VGLL4: variants seen among roughly 807,000 people sequenced by gnomAD.
VGLL4 encodes vestigial like family member 4.
Under a neutral mutation model 21.0 loss-of-function variants are expected in VGLL4, and 7 were observed. The observed-to-expected ratio is 0.33, with a 90% CI of 0.19 to 0.63. VGLL4 has a LOEUF of 0.63. VGLL4 is among the 20% of genes least tolerant of loss of function. The probability of loss-of-function intolerance (pLI) is 0.78; values close to 1 mark genes in which losing one functional copy is unlikely to be tolerated. For missense variants in VGLL4, 394 were observed against 425.7 expected (o/e 0.93, Z 0.66); for synonymous variants, 222 against 173.2 (o/e 1.28, Z -2.21).
intron 2 of VGLL4, among the ~76,000 whole-genome samples, chr3:11,569,783 A>C (rs985312391): frequency 1.3e-5 from 2 of 152,170 alleles, no homozygotes; most frequent in Non-Finnish European, 2.9e-5. Context: ...TTGGAGGCTG[A>C]AGTGGGAGGA....
chr3:11,597,074 A>G (rs1255149718), intron 2 of VGLL4, among the ~76,000 whole-genome samples: 4 of 152,202 alleles, frequency 2.6e-5, no homozygotes, highest in Admixed American at 6.5e-5. Context: ...ACAAGGACAT[A>G]GGACCAGTGG....
chr3:11,707,659 G>C (rs895188360), intron 1 of VGLL4, among the ~76,000 whole-genome samples: 1 of 152,084 alleles, frequency 6.6e-6, no homozygotes, highest in Admixed American at 6.6e-5. Flanking sequence ...AGACCAGCCT[G>C]AGCAACACAG....
At chr3:11,628,755 GC>G (rs1255911788) in intron 1 of VGLL4, among the ~76,000 whole-genome samples, 6 of 152,244 alleles carry the variant, frequency 3.9e-5, no homozygotes, top group Non-Finnish European at 8.8e-5. Context: ...GGGAGGCAGA[GC>G]TTGCAGTGAG....
At chr3:11,702,857 A>T in intron 2 of VGLL4, 4 of 988,208 alleles carry the variant, frequency 4.0e-6, no homozygotes, top group Non-Finnish European at 5.6e-6. Flanking sequence ...AACCACCAAA[A>T]TTAACAGCAA....
rs2125345274 is a variant in VGLL4 at position 11,653,850 on chromosome 3, C to A, written c.64+49121G>T. The stretch of plus-strand genomic sequence containing the variant: ...AGCCACACTACGACTTTACTTCGCA[C>A]TTCTCTGATGGACAGTAAGAACTCT... On this transcript the variant is annotated intron_variant, in intron 2 of 5. Coordinates refer to the VGLL4 transcript ENST00000273038. The surrounding 1 kb of genome is among the most constrained non-coding windows in gnomAD (Gnocchi z 4.2). 6.6e-6 allele frequency among the ~76,000 whole-genome samples: 1 copy of A among 152,296 alleles called. No individual in the cohort carries two copies. Among genetic ancestry groups the A allele is most frequent in the African/African-American group, 2.4e-5 (1 of 41,556 alleles).
chr3:11,703,551 G>A (rs1242845292), intron 1 of VGLL4, among the ~76,000 whole-genome samples: 1 of 152,138 alleles, frequency 6.6e-6, no homozygotes, highest in African/African-American at 2.4e-5. Context: ...GTCATGTTTT[G>A]TATAATGGTA....
rs1290948555 is a variant in VGLL4, at chr3:11,601,955, G to A, written c.150C>T (p.His50=). The change falls in exon 2 of 5, where the codon CAC becomes CAT. Residue 50 remains histidine, a synonymous_variant. Coordinates refer to ENST00000430365, the MANE Select transcript of VGLL4 (RefSeq NM_001128219.3). ...GGCTGATTGGGGGAGGGCCGGTGCG[G>A]TGACTGCTGAGGGCAGAGGCCACCG... ...TLPVASALSS[H]RTGPPPISPS... is the part of the protein sequence containing the mutation. 12 of 1,612,704 alleles carry A rather than the reference G, an allele frequency of 7.4e-6. No individual in the cohort carries two copies. The highest frequency in any genetic ancestry group is 1.7e-5 in the Admixed American group (1 of 59,802).
intron 2 of VGLL4, among the ~76,000 whole-genome samples, chr3:11,690,156 C>G (rs1227567798): frequency 6.6e-6 from 1 of 151,976 alleles, no homozygotes; most frequent in African/African-American, 2.4e-5. Flanking sequence ...AGCTTTTAAT[C>G]CCCCCCTTTT....
upstream of VGLL4, among the ~76,000 whole-genome samples, chr3:11,721,473 G>A (rs930109760): frequency 6.6e-6 from 1 of 152,192 alleles, no homozygotes; most frequent in Admixed American, 6.5e-5. Context: ...AGTCAACCTA[G>A]GAATAGGTCC....
intron 1 of VGLL4, among the ~76,000 whole-genome samples, chr3:11,621,657 T>C (rs1473360177): frequency 6.6e-6 from 1 of 152,202 alleles, no homozygotes; most frequent in African/African-American, 2.4e-5. Context: ...TACAGGGATG[T>C]TTTCAATTCT....
chr3:11,705,542 C>T (rs2076748055), intron 1 of VGLL4, among the ~76,000 whole-genome samples: 1 of 152,198 alleles, frequency 6.6e-6, no homozygotes, highest in African/African-American at 2.4e-5. Context: ...CAGAAAAGAC[C>T]ATCTCCTAAG....
chr3:11,719,891 G>A lies in VGLL4; in HGVS notation c.-14+503C>T, dbSNP rs911660653. Among the ~76,000 whole-genome samples the A allele has an allele frequency of 1.4e-4, 21 of 152,174 alleles. No homozygotes were observed. The highest frequency in any genetic ancestry group is 2.6e-4 in the Non-Finnish European group (18 of 67,964). On this transcript the variant is annotated intron_variant, in intron 1 of 5. Coordinates refer to the VGLL4 transcript ENST00000273038. This position sits in a 1 kb window ranked among gnomAD's most constrained non-coding sequence, Gnocchi z 4.0. ...TTTGTCGGGGCGGGCGCTCCCGAGA[G>A]GCGCCAGCGGGCAGGGCGAGTGGAC...
In VGLL4 at chr3:11,601,865, G is replaced by T. The variant is rs1445816267; in HGVS notation, c.240C>A (p.Val80=). Residue 80 remains valine (V), a synonymous_variant, in exon 2 of 5, where the codon GTC becomes GTA. Transcript: ENST00000430365. The part of the protein sequence containing the change: ...DEDLDCDNDH[V]SKMSRIFNPH... Reference sequence around the variant, plus strand: ...GGTTGAAGATGCGACTCATTTTGGAGACGTGGTCGTTGTCACAGTCTAGGT... The same window carrying T: ...GGTTGAAGATGCGACTCATTTTGGATACGTGGTCGTTGTCACAGTCTAGGT... 6.2e-7 allele frequency: 1 copy of T among 1,613,800 alleles called. No homozygotes were observed. The highest frequency in any genetic ancestry group is 1.3e-5 in the African/African-American group (1 of 74,910).
intron 2 of VGLL4, chr3:11,702,849 C>T (rs2076702597): frequency 2.3e-6 from 2 of 855,224 alleles, no homozygotes; most frequent in South Asian, 5.2e-5. Flanking sequence ...CTAAGGAAAA[C>T]CACCAAAATT....
chr3:11,561,891 CTTTTTTT>C lies in VGLL4; in HGVS notation c.496-2443_496-2437del, dbSNP rs35380668. Among the ~76,000 whole-genome samples, 478 of 88,632 alleles carry C rather than the reference CTTTTTTT, an allele frequency of 5.4e-3. 7 individuals carry two copies. Among genetic ancestry groups the C allele is most frequent in the African/African-American group, 0.021 (460 of 21,540 alleles). 58.1% of individuals were successfully genotyped at this position (88,632 alleles called of 152,430 possible). On this transcript the variant is annotated intron_variant, in intron 3 of 4. Coordinates refer to ENST00000430365, the MANE Select transcript of VGLL4 (RefSeq NM_001128219.3). ...AACCCCCAAGGCTGGCTGCGCCAAA[CTTTTTTT>C]TTTTTTTTTTTTTTTTTTAAAGACA...
chr3:11,665,261 C>T (rs1033171405), intron 2 of VGLL4, among the ~76,000 whole-genome samples: 2 of 151,496 alleles, frequency 1.3e-5, no homozygotes, highest in African/African-American at 4.8e-5. Flanking sequence ...CTACAGGCGC[C>T]TGCCACCACG....
chr3:11,616,460 C>T (rs994046938), intron 1 of VGLL4, among the ~76,000 whole-genome samples: 42 of 152,364 alleles, frequency 2.8e-4, no homozygotes, highest in Admixed American at 2.0e-3. Flanking sequence ...GGCCTCCTTT[C>T]CTTTCCTAGA....
intron 1 of VGLL4, chr3:11,607,224 T>C (rs2074965866): frequency 6.6e-6 from 1 of 152,140 alleles, no homozygotes; most frequent in African/African-American, 2.4e-5. Context: ...AAATGAAATA[T>C]CCATGATGTA....
chr3:11,607,589 TTA>T (rs2125278550), intron 1 of VGLL4, among the ~76,000 whole-genome samples: 1 of 152,328 alleles, frequency 6.6e-6, no homozygotes, highest in East Asian at 1.9e-4. Context: ...AGTATGTGAA[TTA>T]TGTCTCAGTA....
Sources: gnomAD v4.1 joint callset for allele counts (sites outside exome capture counted in the v4.1 genomes callset) on GRCh38, gnomAD v4.1.1 for gene constraint, Gnocchi (gnomAD v3.1) non-coding constraint, MANE v1.5 for transcripts, NCBI Gene and HGNC (gene_info 2026-07-23, HGNC 2026-07-21) for gene names.